KIF13B: variants seen among roughly 807,000 people sequenced by gnomAD.
The protein encoded by KIF13B is kinesin family member 13B.
A neutral mutation model predicts 222.0 loss-of-function variants in KIF13B; 127 were observed. That is an observed-to-expected ratio of 0.57 (90% CI 0.50 to 0.66). KIF13B has a LOEUF of 0.66. Among genes scored for constraint, KIF13B ranks in the 30% least tolerant of loss-of-function variants. The pLI is 0.00. For synonymous variants in KIF13B, 976 were observed against 919.0 expected, an observed-to-expected ratio of 1.06 and a Z score of -1.12; for missense variants, 2,173 against 2,379.0, an observed-to-expected ratio of 0.91 and a Z score of 1.80.
At chr8:29,092,952 G>T (rs1348030191) in intron 36 of KIF13B, 74 bp from the exon 37 acceptor site, 3 of 1,313,378 alleles carry the variant, frequency 2.3e-6, no homozygotes, top group Non-Finnish European at 3.0e-6. Context: ...ACATTTGACA[G>T]ACATCACTTG....
At chr8:29,169,535 AG>A in intron 10 of KIF13B, among the ~76,000 whole-genome samples, 1 of 152,384 alleles carries the variant, frequency 6.6e-6, no homozygotes, top group South Asian at 2.1e-4. Flanking sequence ...ATATGATCAC[AG>A]ACAATATGTC....
At chr8:29,243,902 G>A (rs1815896601) in intron 2 of KIF13B, among the ~76,000 whole-genome samples, 1 of 152,078 alleles carries the variant, frequency 6.6e-6, no homozygotes. Context: ...TGATCTTTGT[G>A]GGAAAAAACT....
At chr8:29,193,812 C>T (rs182309826) in intron 3 of KIF13B, among the ~76,000 whole-genome samples, 3 of 152,244 alleles carry the variant, frequency 2.0e-5, no homozygotes, top group Middle Eastern at 3.4e-3. Flanking sequence ...TACTGTACTG[C>T]TTTTTACATT....
intron 2 of KIF13B, among the ~76,000 whole-genome samples, chr8:29,244,666 T>C (rs1324280799): frequency 6.6e-6 from 1 of 152,202 alleles, no homozygotes; most frequent in Non-Finnish European, 1.5e-5. Context: ...TGTAATCTTA[T>C]CCCAGCTTAT....
intron 1 of KIF13B, among the ~76,000 whole-genome samples, chr8:29,245,804 G>A (rs1815995422): frequency 6.6e-6 from 1 of 151,982 alleles, no homozygotes; most frequent in Non-Finnish European, 1.5e-5. Context: ...AAATCCTAAG[G>A]AAACCGCTAA....
At chr8:29,154,999 T>A (rs1811454312) in intron 14 of KIF13B, among the ~76,000 whole-genome samples, 1 of 152,206 alleles carries the variant, frequency 6.6e-6, no homozygotes, top group African/African-American at 2.4e-5. Context: ...AGTTACAGAC[T>A]GTTATACTTC....
At chr8:29,155,702 T>C (rs374316499) in intron 14 of KIF13B, 24 bp downstream of exon 14, 6 of 1,592,538 alleles carry the variant, frequency 3.8e-6, no homozygotes, top group African/African-American at 1.3e-5. Flanking sequence ...TCTTGTGATA[T>C]GAACACTAAT....
At chr8:29,202,838 C>T (rs1380256563) in intron 2 of KIF13B, among the ~76,000 whole-genome samples, 1 of 151,980 alleles carries the variant, frequency 6.6e-6, no homozygotes, top group Non-Finnish European at 1.5e-5. Flanking sequence ...GCGTCATCTC[C>T]CCCAACTCAG....
At position 29,140,173 on chromosome 8, in the gene KIF13B, C is replaced by A. The variant is rs112481059; in HGVS notation, c.2503G>T (p.Val835Leu). The A allele has an allele frequency of 1.9e-6, 3 of 1,613,724 alleles. No homozygotes were observed. The highest frequency in any genetic ancestry group is 2.2e-5 in the East Asian group (1 of 44,868). ...QKGEVAGRLH[V>L]EVMRLSGDVG... ...TCACCACTGAGTCGCATCACCTCCA[C>A]GTGCAGCCGACCTGCCACCTGCAGC... Residue 835 changes from valine (V) to leucine (L), a missense_variant, in exon 21 of 40, where the codon GTG (valine) becomes TTG (leucine). Coordinates refer to ENST00000524189, the MANE Select transcript of KIF13B (RefSeq NM_015254.4).
At position 29,124,096 on chromosome 8, in the gene KIF13B, TTC is replaced by T; in HGVS notation, c.3278_3279del (p.Arg1093LysfsTer23). On this transcript the variant is annotated frameshift_variant, in exon 27 of 40. Coordinates refer to ENST00000524189, the MANE Select transcript of KIF13B (RefSeq NM_015254.4). LOFTEE classifies it high-confidence loss of function. The part of the protein sequence containing the change: ...YQDRDLERLR[R>X]KWLNALTKRQ... Reference sequence around the variant, plus strand: ...CGTTTTGTTAATGCATTTAGCCATTTTCTACGAAGTCTCTCTAAATCTCGATC... The same window carrying T: ...CGTTTTGTTAATGCATTTAGCCATTTTACGAAGTCTCTCTAAATCTCGATC... The T allele has an allele frequency of 6.2e-7, 1 of 1,612,218 alleles. No individual in the cohort carries two copies. The highest frequency in any genetic ancestry group is 8.5e-7 in the Non-Finnish European group (1 of 1,178,430).
At chr8:29,239,669 T>C (rs1414021657) in intron 2 of KIF13B, among the ~76,000 whole-genome samples, 1 of 152,198 alleles carries the variant, frequency 6.6e-6, no homozygotes. Context: ...GTTTGTTTGC[T>C]TGTTTTGTTT....
chr8:29,148,633 T>C lies in KIF13B; in HGVS notation c.1757A>G (p.Asn586Ser). The change falls in exon 16 of 40, where the codon AAC becomes AGC. Residue 586 changes from asparagine (N) to serine (S), a missense_variant. Physicochemically the swap from Asn to Ser is conservative, Grantham distance 46. Coordinates refer to ENST00000524189, the MANE Select transcript of KIF13B (RefSeq NM_015254.4). ...DSSSEVSSEV[N>S]FNYEYAQMEV... ...CATCTGTGCGTATTCGTAATTAAAG[T>C]TAACTTCACTGGACACCTCGCTGGA... 6.2e-7 allele frequency: 1 copy of C among 1,612,904 alleles called. No individual in the cohort carries two copies. The highest frequency in any genetic ancestry group is 1.6e-4 in the Middle Eastern group (1 of 6,062).
chr8:29,165,398 A>C (rs1159794028), intron 12 of KIF13B, among the ~76,000 whole-genome samples: 1 of 152,168 alleles, frequency 6.6e-6, no homozygotes, highest in African/African-American at 2.4e-5. Flanking sequence ...AGGGGCTACA[A>C]AGGAGTTATT....
chr8:29,178,209 T>C (rs1812561924), intron 8 of KIF13B, among the ~76,000 whole-genome samples: 1 of 152,094 alleles, frequency 6.6e-6, no homozygotes, highest in Admixed American at 6.5e-5. Context: ...TTTATTATTA[T>C]TGGAAACTGT....
chr8:29,164,461 A>G (rs915952137), intron 12 of KIF13B, among the ~76,000 whole-genome samples: 4 of 152,250 alleles, frequency 2.6e-5, no homozygotes, highest in African/African-American at 9.6e-5. Context: ...TGAGAGGATT[A>G]CATCAAGTTC....
rs922855151 is a variant in KIF13B at position 29,257,984 on chromosome 8, A to G, written c.55+4996T>C. On this transcript the variant is annotated intron_variant, in intron 1 of 39. Coordinates refer to ENST00000524189, the MANE Select transcript of KIF13B (RefSeq NM_015254.4). Reference sequence around the variant, plus strand: ...TAGAAACAAAACAATGTTGTAATACATGTGTGTCTCATTCACCATTAGCAT... The same window carrying G: ...TAGAAACAAAACAATGTTGTAATACGTGTGTGTCTCATTCACCATTAGCAT... Among the ~76,000 whole-genome samples the G allele has an allele frequency of 2.0e-5, 3 of 152,254 alleles. No homozygotes were observed. In the East Asian group the frequency reaches 5.8e-4, roughly 29 times the overall value.
Position 29,180,457 on chromosome 8 carries a change from G to A in KIF13B, c.586-219C>T, listed in dbSNP as rs116157825. ...CATCATTTGCTACAGGTACAGAGGT[G>A]GCAGCCTTGACTCAAAGTTCAGAAG... On this transcript the variant is annotated intron_variant, in intron 7 of 39. Coordinates refer to ENST00000524189, the MANE Select transcript of KIF13B (RefSeq NM_015254.4). Among the ~76,000 whole-genome samples, 1,182 of 152,216 alleles carry A rather than the reference G, an allele frequency of 7.8e-3. 5 individuals carry two copies. The highest frequency in any genetic ancestry group is 0.013 in the African/African-American group (523 of 41,524).
At position 29,167,466 on chromosome 8, in the gene KIF13B, G is replaced by A; in HGVS notation, c.1065C>T (p.Asn355=). Residue 355 remains asparagine, a synonymous_variant, in exon 11 of 40, where the codon AAC becomes AAT. Coordinates refer to ENST00000524189, the MANE Select transcript of KIF13B (RefSeq NM_015254.4). Reference sequence around the variant, plus strand: ...TAGGGTCCTCATTCACCACAGCGTGGTTTACAATGTGCTTGGCTCGATCTG... The same window carrying A: ...TAGGGTCCTCATTCACCACAGCGTGATTTACAATGTGCTTGGCTCGATCTG... The part of the protein sequence containing the change: ...RYADRAKHIV[N]HAVVNEDPNA... 6.2e-7 allele frequency: 1 copy of A among 1,613,972 alleles called. No homozygotes were observed. The highest frequency in any genetic ancestry group is 1.3e-5 in the African/African-American group (1 of 75,044).
chr8:29,183,161 AAAGT>A (rs1258151938), intron 6 of KIF13B, among the ~76,000 whole-genome samples: 1 of 145,040 alleles, frequency 6.9e-6, no homozygotes, highest in Admixed American at 7.2e-5. Context: ...TATAATCCTT[AAAGT>A]TTGTTTTTTT....
Sources: gnomAD v4.1 joint callset for allele counts (sites outside exome capture counted in the v4.1 genomes callset) on GRCh38, gnomAD v4.1.1 for gene constraint, MANE v1.5 for transcripts, NCBI Gene and HGNC (gene_info 2026-07-23, HGNC 2026-07-21) for gene names.